The following NEBL variants were observed in gnomAD, a reference collection of about 807,000 sequenced individuals.
NEBL encodes the protein LIM and SH3 protein 2.
Under a neutral mutation model 140.2 loss-of-function variants are expected in NEBL, and 122 were observed. The ratio of observed to expected loss-of-function variants is 0.87; its 90% CI spans 0.75 to 1.01. The LOEUF is 1.01. NEBL is among the 50% of genes least tolerant of loss of function. The pLI is 0.00. For synonymous variants in NEBL, 436 were observed against 398.9 expected (o/e 1.09, Z -1.11); for missense variants, 1,365 against 1,231.3 (o/e 1.11, Z -1.62).
chr10:20,791,266 G>C (rs968232660), intron 26 of NEBL, among the ~76,000 whole-genome samples: 13 of 152,072 alleles, frequency 8.5e-5, no homozygotes, highest in African/African-American at 3.1e-4. Flanking sequence ...GTACAATAAA[G>C]TACTTCCACA....
intron 2 of NEBL, among the ~76,000 whole-genome samples, chr10:21,129,520 T>C (rs1839001514): frequency 6.6e-6 from 1 of 152,012 alleles, no homozygotes; most frequent in Non-Finnish European, 1.5e-5. Context: ...TATATGTGTA[T>C]ATAAATATCT....
chr10:20,838,471 T>G (rs1012893792), intron 13 of NEBL, among the ~76,000 whole-genome samples: 13 of 152,200 alleles, frequency 8.5e-5, no homozygotes, highest in South Asian at 8.3e-4. Context: ...AAGCAAAGAA[T>G]GTGGTTTCTG....
intron 20 of NEBL, 29 bp downstream of exon 20, chr10:20,819,395 A>C: frequency 6.2e-7 from 1 of 1,613,836 alleles, no homozygotes; most frequent in Non-Finnish European, 8.5e-7. Flanking sequence ...ATGTTTGAGA[A>C]AATATAAAAG....
intron 4 of NEBL, among the ~76,000 whole-genome samples, chr10:20,922,193 G>A (rs1833621051): frequency 6.6e-6 from 1 of 152,152 alleles, no homozygotes; most frequent in African/African-American, 2.4e-5. Flanking sequence ...ACTCTGCTCT[G>A]CATCAGCCAG....
chr10:20,802,356 A>G (rs1837202986), intron 26 of NEBL, among the ~76,000 whole-genome samples: 1 of 152,196 alleles, frequency 6.6e-6, no homozygotes, highest in Non-Finnish European at 1.5e-5. Flanking sequence ...CGAATCTAAT[A>G]CCAAAAGGCA....
intron 2 of NEBL, among the ~76,000 whole-genome samples, chr10:21,154,940 C>T (rs976334084): frequency 6.6e-5 from 10 of 152,180 alleles, no homozygotes; most frequent in Non-Finnish European, 2.9e-5. Flanking sequence ...GTGGCTCACG[C>T]CTGTAATCCC....
At chr10:20,822,645 TATA>T (rs142066242) in intron 19 of NEBL, among the ~76,000 whole-genome samples, 2,747 of 150,774 alleles carry the variant, frequency 0.018, 93 homozygotes, top group African/African-American at 0.063. Context: ...GACTATCTAA[TATA>T]GGCTATATAT....
chr10:20,890,339 T>C (rs1846925687), intron 2 of NEBL, among the ~76,000 whole-genome samples: 1 of 152,210 alleles, frequency 6.6e-6, no homozygotes, highest in East Asian at 1.9e-4. Context: ...GAAACACAGC[T>C]GCCTACCTCA....
Position 21,252,258 on chromosome 10 carries a change from T to A in NEBL, n.183-430A>T, listed in dbSNP as rs1184637412. ...TGGATATCTAACACTTACCATTGATTCTTTCTTTTTGCAATTGTGTGTAAT... is the reference window on the plus strand; with the variant it reads ...TGGATATCTAACACTTACCATTGATACTTTCTTTTTGCAATTGTGTGTAAT... On this transcript the variant is annotated intron_variant and non_coding_transcript_variant, in intron 1 of 8. Transcript: ENST00000675702. Among the ~76,000 whole-genome samples, 3 of 152,240 alleles carry A rather than the reference T, an allele frequency of 2.0e-5. No individual in the cohort carries two copies. In the East Asian group the frequency reaches 5.8e-4, roughly 29 times the overall value.
chr10:21,109,212 C>A (rs917267010), intron 2 of NEBL, among the ~76,000 whole-genome samples: 5 of 152,046 alleles, frequency 3.3e-5, no homozygotes, highest in African/African-American at 7.2e-5. Flanking sequence ...GCATGAAGGG[C>A]TGTTGAATTT....
chr10:21,221,811 A>T (rs1253704067), intron 3 of NEBL, among the ~76,000 whole-genome samples: 1 of 152,130 alleles, frequency 6.6e-6, no homozygotes, highest in Non-Finnish European at 1.5e-5. Flanking sequence ...TAAAAATAAA[A>T]ACTTTTTAGC....
intron 3 of NEBL, among the ~76,000 whole-genome samples, chr10:21,227,711 T>TTCTTCTTCTTC (rs1456600511): frequency 3.2e-4 from 15 of 46,452 alleles, no homozygotes; most frequent in African/African-American, 4.0e-4. Context: ...CTTCTTCTTC[T>TTCTTCTTCTTC]TTCTTCTTCT....
intron 2 of NEBL, among the ~76,000 whole-genome samples, chr10:21,053,313 C>T (rs1834860463): frequency 6.6e-6 from 1 of 152,094 alleles, no homozygotes; most frequent in South Asian, 2.1e-4. Context: ...GACTTCTTGG[C>T]TATAATCCCA....
intron 11 of NEBL, among the ~76,000 whole-genome samples, chr10:20,847,925 G>T (rs1588780123): frequency 6.6e-6 from 1 of 152,134 alleles, no homozygotes; most frequent in East Asian, 1.9e-4. Context: ...TGAAAATCAG[G>T]TCCGATTTGC....
chr10:21,169,059 A>G (rs1193880309), intron 2 of NEBL, among the ~76,000 whole-genome samples: 1 of 43,826 alleles, frequency 2.3e-5, no homozygotes, highest in Non-Finnish European at 4.7e-5. Context: ...CAAAAAAAAA[A>G]AAAAAAAAAT....
chr10:20,986,180 C>T (rs1243106060), intron 3 of NEBL, among the ~76,000 whole-genome samples: 1 of 152,058 alleles, frequency 6.6e-6, no homozygotes, highest in African/African-American at 2.4e-5. Context: ...GGTGCTTTTT[C>T]CAAATTAGTA....
chr10:21,254,347 G>T (rs1251346459), intron 1 of NEBL, among the ~76,000 whole-genome samples: 3 of 152,046 alleles, frequency 2.0e-5, no homozygotes, highest in African/African-American at 7.2e-5. Flanking sequence ...TGCCCAGGCT[G>T]GTCTTGAACT....
intron 26 of NEBL, chr10:20,804,565 T>C (rs559806749): frequency 3.3e-5 from 5 of 152,336 alleles, no homozygotes; most frequent in South Asian, 2.1e-4. Context: ...ATGCTGAATA[T>C]GCTGCAGGCC....
rs188215190 is a variant in NEBL at position 20,923,578 on chromosome 10, C to G, written c.357+38094G>C. 4.6e-3 allele frequency among the ~76,000 whole-genome samples: 634 copies of G among 136,560 alleles called. 9 individuals carry two copies. Among genetic ancestry groups the G allele is most frequent in the African/African-American group, 0.015 (553 of 36,966 alleles). The allele number at this position is 136,560 out of a possible 152,430, so 89.6% of individuals were successfully genotyped here. Reference sequence around the variant, plus strand: ...CCTGTAGTCCCAGCTACTCAGGAGGCTGAGTCAGGAGAATCGCTTGAACCC... The same window carrying G: ...CCTGTAGTCCCAGCTACTCAGGAGGGTGAGTCAGGAGAATCGCTTGAACCC... On this transcript the variant is annotated intron_variant, in intron 4 of 6. Transcript: ENST00000417816.
Sources: allele counts gnomAD v4.1 joint callset (sites outside exome capture counted in the v4.1 genomes callset), GRCh38; gene constraint gnomAD v4.1.1; transcripts MANE v1.5; gene names NCBI Gene and HGNC (gene_info 2026-07-23, HGNC 2026-07-21).